The following GREB1L variants were observed in gnomAD, a reference collection of about 807,000 sequenced individuals.
The protein encoded by GREB1L is GREB1 like retinoic acid receptor coactivator, also known as GREB1-like protein.
In GREB1L, 17 loss-of-function variants were observed where a neutral mutation model predicts 200.8. The ratio of observed to expected loss-of-function variants is 0.08; its 90% CI spans 0.06 to 0.13. GREB1L has a LOEUF of 0.13. Among genes scored for constraint, GREB1L ranks in the 10% least tolerant of loss-of-function variants. GREB1L has a pLI of 1.00. For synonymous variants in GREB1L, 789 were observed against 893.0 expected (o/e 0.88, Z 2.08); for missense variants, 1,657 against 2,367.7 (o/e 0.70, Z 6.23).
At chr18:21,383,268 TA>T (rs1418111556) in intron 2 of GREB1L, among the ~76,000 whole-genome samples, 2 of 152,146 alleles carry the variant, frequency 1.3e-5, no homozygotes, top group African/African-American at 4.8e-5. Context: ...ATTACTGTTA[TA>T]GATACAAAAT....
At position 21,451,097 on chromosome 18, in the gene GREB1L, C is replaced by T. The variant is rs1374848092; in HGVS notation, c.1795C>T (p.Leu599Phe). 1.3e-6 allele frequency: 2 copies of T among 1,551,576 alleles called. No individual in the cohort carries two copies. The highest frequency in any genetic ancestry group is 2.7e-5 in the African/African-American group (2 of 73,054). Residue 599 changes from leucine to phenylalanine, a missense_variant, in exon 13 of 33, where the codon CTT (leucine) becomes TTT (phenylalanine). This residue lies in a region of GREB1L where 239 missense variants were observed against 421.8 expected (regional missense o/e 0.57). Transcript: ENST00000424526. ...GTTTTTGAAAGAAATTAGTTATGAG[C>T]TTATCACAGGAAAGGTCAGTTTCCT... is the stretch of plus-strand genomic sequence containing the variant. Reference protein sequence around the residue: ...SEFLKEISYELITGKVSFLAS... With the variant: ...SEFLKEISYEFITGKVSFLAS...
chr18:21,254,796 C>T (rs777243965), intron 1 of GREB1L, among the ~76,000 whole-genome samples: 8 of 152,124 alleles, frequency 5.3e-5, no homozygotes, highest in South Asian at 2.1e-4. Flanking sequence ...GCAGCACACA[C>T]GACTCATACC....
chr18:21,287,434 A>T (rs2038375765), intron 1 of GREB1L, among the ~76,000 whole-genome samples: 1 of 152,186 alleles, frequency 6.6e-6, no homozygotes, highest in South Asian at 2.1e-4. Context: ...GTTGTCTTTT[A>T]TCAAGCATTC....
intron 1 of GREB1L, among the ~76,000 whole-genome samples, chr18:21,257,174 G>A (rs963473002): frequency 6.6e-6 from 1 of 152,048 alleles, no homozygotes; most frequent in African/African-American, 2.4e-5. Context: ...CACCGTGTTA[G>A]CCAGGATGGT....
intron 23 of GREB1L, among the ~76,000 whole-genome samples, chr18:21,502,651 GT>G (rs368400841): frequency 1.4e-3 from 211 of 152,050 alleles, no homozygotes; most frequent in African/African-American, 4.7e-3. Context: ...ACATCTCCTT[GT>G]TTTTTTCCCA....
chr18:21,284,410 A>C (rs190753515), intron 1 of GREB1L, among the ~76,000 whole-genome samples: 2 of 152,308 alleles, frequency 1.3e-5, no homozygotes, highest in African/African-American at 2.4e-5. Context: ...TAGAAATTTC[A>C]TACAGATGGA....
At chr18:21,454,609 G>C in intron 15 of GREB1L, 46 bp downstream of exon 15, 1 of 1,366,146 alleles carries the variant, frequency 7.3e-7, no homozygotes, top group Non-Finnish European at 1.0e-6. Flanking sequence ...TCCAGCTTCA[G>C]ATCCCCTCTG....
rs756526292 is a variant in GREB1L at position 21,413,433 on chromosome 18, A to G, written c.832+9439A>G. ...TAGGTGCATCAAAAGTTCCTCCAGC[A>G]TGATTTTCTAAATTTAGTTTCTTAT... is the stretch of plus-strand genomic sequence containing the variant. On this transcript the variant is annotated intron_variant, in intron 7 of 32. Transcript: ENST00000424526. Among the ~76,000 whole-genome samples the G allele has an allele frequency of 2.6e-5, 4 of 152,166 alleles. No homozygotes were observed. In the South Asian group the frequency reaches 6.2e-4, roughly 24 times the overall value.
At chr18:21,395,105 CAAAAAA>C (rs372663303) in intron 4 of GREB1L, among the ~76,000 whole-genome samples, 2 of 64,064 alleles carry the variant, frequency 3.1e-5, no homozygotes, top group African/African-American at 4.8e-5. Context: ...GACTCCATCT[CAAAAAA>C]AAAAAAAAAA....
chr18:21,476,555 TTTG>T (rs1191328017), intron 16 of GREB1L, among the ~76,000 whole-genome samples: 5 of 151,982 alleles, frequency 3.3e-5, no homozygotes, highest in Non-Finnish European at 5.9e-5. Flanking sequence ...AATTTAATTT[TTTG>T]TTGTTGTTGT....
intron 1 of GREB1L, among the ~76,000 whole-genome samples, chr18:21,300,985 G>GT (rs1175320954): frequency 6.6e-6 from 1 of 152,138 alleles, no homozygotes; most frequent in Non-Finnish European, 1.5e-5. Flanking sequence ...TCTTTCCTGT[G>GT]TTTTCTTGAT....
intron 5 of GREB1L, 100 bp downstream of exon 5, chr18:21,395,661 T>G (rs2144372631): frequency 1.2e-6 from 1 of 822,930 alleles, no homozygotes; most frequent in South Asian, 1.9e-5. Flanking sequence ...TACCAGAGGA[T>G]TATTTGGGGA....
At chr18:21,436,090 T>C (rs2033519032) in intron 7 of GREB1L, among the ~76,000 whole-genome samples, 1 of 152,142 alleles carries the variant, frequency 6.6e-6, no homozygotes, top group Non-Finnish European at 1.5e-5. Flanking sequence ...CTTATGGTGA[T>C]TGCCATCATC....
intron 7 of GREB1L, among the ~76,000 whole-genome samples, chr18:21,408,576 T>C (rs2030564077): frequency 6.6e-6 from 1 of 151,862 alleles, no homozygotes. Context: ...AGGTGGATCA[T>C]CCGAGGTCAG....
intron 7 of GREB1L, among the ~76,000 whole-genome samples, chr18:21,418,884 T>A (rs1054484657): frequency 6.6e-5 from 10 of 152,148 alleles, no homozygotes; most frequent in Admixed American, 1.3e-4. Flanking sequence ...ACTATTTTTT[T>A]AAAAAAGGAA....
chr18:21,264,633 C>G (rs950850641), intron 1 of GREB1L, among the ~76,000 whole-genome samples: 3 of 152,046 alleles, frequency 2.0e-5, no homozygotes, highest in African/African-American at 7.2e-5. Context: ...GGGACTAGTT[C>G]GAGGTAGAGG....
Position 21,384,192 on chromosome 18 carries a change from A to G in GREB1L, c.158-14A>G, listed in dbSNP as rs1366391258. On this transcript the variant is annotated splice_polypyrimidine_tract_variant and intron_variant, in intron 3 of 32. Coordinates refer to ENST00000424526, the MANE Select transcript of GREB1L (RefSeq NM_001142966.3). ...CTTTTTATTAAATCTGCTGTGATTT[A>G]TTTGCTTACCCAGATGTCAAACCCA... The G allele has an allele frequency of 8.0e-6, 12 of 1,504,902 alleles. No homozygotes were observed. The highest frequency in any genetic ancestry group is 8.1e-6 in the Non-Finnish European group (9 of 1,106,552). The allele number at this position is 1,504,902 out of a possible 1,614,324, so 93.2% of individuals were successfully genotyped here. A position where few individuals can be genotyped will look rare whatever the true frequency, so the allele number is the denominator to read the frequency against.
chr18:21,330,170 T>C (rs1191942991), intron 1 of GREB1L, among the ~76,000 whole-genome samples: 1 of 152,068 alleles, frequency 6.6e-6, no homozygotes, highest in African/African-American at 2.4e-5. Context: ...AGCCCCAGAG[T>C]AGGGCCAGGC....
chr18:21,265,976 G>GA (rs574032858), intron 1 of GREB1L, among the ~76,000 whole-genome samples: 228 of 152,126 alleles, frequency 1.5e-3, no homozygotes, highest in African/African-American at 4.9e-3. Context: ...TGGCTGAATG[G>GA]AAAAAAACCC....
Sources: allele counts gnomAD v4.1 joint callset (sites outside exome capture counted in the v4.1 genomes callset), GRCh38; gene constraint gnomAD v4.1.1; regional missense constraint gnomAD v4.1.1; transcripts MANE v1.5; gene names NCBI Gene and HGNC (gene_info 2026-07-23, HGNC 2026-07-21).